VPS8: variants seen among roughly 807,000 people sequenced by gnomAD.
VPS8 encodes VPS8 subunit of CORVET complex.
A neutral mutation model predicts 216.4 loss-of-function variants in VPS8; 129 were observed. That is an observed-to-expected ratio of 0.60 (90% CI 0.52 to 0.69). VPS8 has a LOEUF of 0.69. Among genes scored for constraint, VPS8 ranks in the 30% least tolerant of loss-of-function variants. VPS8 has a pLI of 0.00. For synonymous variants in VPS8, 571 were observed against 565.4 expected (o/e 1.01, Z -0.14); for missense variants, 1,531 against 1,683.5 (o/e 0.91, Z 1.59).
At chr3:184,982,797 T>A in intron 41 of VPS8, 150 bp downstream of exon 41, 1 of 748,846 alleles carries the variant, frequency 1.3e-6, no homozygotes, top group South Asian at 2.3e-5. Context: ...GATCTCATCT[T>A]TCATGTTTCT....
At chr3:185,011,088 TA>T (rs1754953079) in intron 45 of VPS8, among the ~76,000 whole-genome samples, 2 of 127,718 alleles carry the variant, frequency 1.6e-5, no homozygotes, top group African/African-American at 2.9e-5. Context: ...ATTGGAATCC[TA>T]AAAAAAAGTA....
At chr3:184,966,770 G>T (rs1747476262) in intron 39 of VPS8, 57 bp downstream of exon 39, 17 of 1,308,918 alleles carry the variant, frequency 1.3e-5, no homozygotes, top group Non-Finnish European at 1.8e-5. Context: ...TGTTTTAAAA[G>T]ATGTTTAATA....
rs1324151343 is a variant in VPS8, at chr3:184,962,761, G to GTGTGTGTGTGTT, written c.3184-1702_3184-1701insGTGTGTTTGTGT. Among the ~76,000 whole-genome samples the GTGTGTGTGTGTT allele has an allele frequency of 1.1e-3, 104 of 93,132 alleles. 1 individual carries two copies. Among genetic ancestry groups the GTGTGTGTGTGTT allele is most frequent in the African/African-American group, 3.2e-3 (98 of 30,806 alleles). 61.1% of individuals were successfully genotyped at this position (93,132 alleles called of 152,430 possible). Reference sequence around the variant, plus strand: ...TGTGTGTGTGTGTGTGTGTGTGTGTGTGTGTCTTATTTCCTTTCCTATTTT... The same window carrying GTGTGTGTGTGTT: ...TGTGTGTGTGTGTGTGTGTGTGTGTGTGTGTGTGTGTTTGTGTCTTATTTCCTTTCCTATTTT... On this transcript the variant is annotated intron_variant, in intron 37 of 47. Transcript: ENST00000625842.
intron 45 of VPS8, among the ~76,000 whole-genome samples, chr3:185,004,781 A>ATAG (rs1561078560): frequency 6.6e-6 from 1 of 152,088 alleles, no homozygotes; most frequent in Non-Finnish European, 1.5e-5. Context: ...TAGATCCATA[A>ATAG]TTTGTGAATA....
At position 185,032,356 on chromosome 3, in the gene VPS8, C is replaced by G. The variant is rs1170940216; in HGVS notation, c.4056+7967C>G. Among the ~76,000 whole-genome samples the G allele has an allele frequency of 8.5e-5, 13 of 152,212 alleles. No individual in the cohort carries two copies. In the South Asian group the frequency reaches 2.7e-3, roughly 32 times the overall value. Reference sequence around the variant, plus strand: ...TATTGCAGTAAGGGGAACGCTCCAACCATAAGATCTGCAAGGGTCTCAGAG... The same window carrying G: ...TATTGCAGTAAGGGGAACGCTCCAAGCATAAGATCTGCAAGGGTCTCAGAG... On this transcript the variant is annotated intron_variant, in intron 46 of 47. Coordinates refer to ENST00000625842, the MANE Select transcript of VPS8 (RefSeq NM_001009921.3).
At chr3:184,892,397 A>G (rs1342004083) in intron 22 of VPS8, among the ~76,000 whole-genome samples, 2 of 151,996 alleles carry the variant, frequency 1.3e-5, no homozygotes, top group Admixed American at 6.6e-5. Flanking sequence ...TTGTATTTTT[A>G]GTAGAGACGG....
intron 25 of VPS8, 150 bp from the exon 26 acceptor site, chr3:184,913,369 C>A: frequency 1.6e-6 from 1 of 610,396 alleles, no homozygotes; most frequent in Non-Finnish European, 2.9e-6. Flanking sequence ...AACTCAAAAG[C>A]CAATAAAGTG....
intron 28 of VPS8, among the ~76,000 whole-genome samples, chr3:184,915,789 A>G (rs1050528347): frequency 1.2e-4 from 18 of 152,254 alleles, no homozygotes; most frequent in South Asian, 4.1e-4. Context: ...AGCGTGGGCT[A>G]CAGAGAGAGA....
intron 8 of VPS8, among the ~76,000 whole-genome samples, chr3:184,846,135 G>A (rs1015067897): frequency 1.3e-5 from 2 of 152,116 alleles, no homozygotes; most frequent in Admixed American, 1.3e-4. Flanking sequence ...GTGGGGTAGG[G>A]GTGGAATTAA....
chr3:184,873,757 G>C (rs982801699), intron 21 of VPS8, among the ~76,000 whole-genome samples: 16 of 152,128 alleles, frequency 1.1e-4, no homozygotes, highest in African/African-American at 3.9e-4. Flanking sequence ...TATGTAATGT[G>C]TAATATCATT....
At chr3:184,948,427 G>A (rs1744078479) in intron 36 of VPS8, among the ~76,000 whole-genome samples, 1 of 152,124 alleles carries the variant, frequency 6.6e-6, no homozygotes, top group Non-Finnish European at 1.5e-5. Context: ...GAGGCAGAAG[G>A]ATTGCTTGAG....
chr3:184,904,880 T>C (rs1735209586), intron 25 of VPS8, among the ~76,000 whole-genome samples: 1 of 152,250 alleles, frequency 6.6e-6, no homozygotes, highest in African/African-American at 2.4e-5. Flanking sequence ...TGCTCTGTTT[T>C]GTGCTGCTGT....
intron 36 of VPS8, among the ~76,000 whole-genome samples, chr3:184,955,576 T>TC (rs1745445927): frequency 6.6e-6 from 1 of 151,844 alleles, no homozygotes; most frequent in Non-Finnish European, 1.5e-5. Flanking sequence ...GTGGTAGTGG[T>TC]TCCCCGGGCC....
chr3:184,938,435 A>T (rs1002707966), intron 35 of VPS8, among the ~76,000 whole-genome samples: 27 of 152,310 alleles, frequency 1.8e-4, no homozygotes, highest in African/African-American at 6.5e-4. Context: ...GGAGCCCAGG[A>T]TACTGAAGTA....
chr3:184,837,116 T>C (rs1721244157), intron 5 of VPS8, among the ~76,000 whole-genome samples: 1 of 152,168 alleles, frequency 6.6e-6, no homozygotes, highest in South Asian at 2.1e-4. Context: ...TCCCAGGTGA[T>C]TCCCATGCAT....
chr3:185,005,278 G>A (rs866259727), intron 45 of VPS8, among the ~76,000 whole-genome samples: 89 of 152,194 alleles, frequency 5.8e-4, no homozygotes, highest in African/African-American at 1.7e-3. Flanking sequence ...TAACCATACC[G>A]TTGTAGTATA....
At chr3:184,868,528 C>T (rs1308851677) in intron 18 of VPS8, among the ~76,000 whole-genome samples, 1 of 152,204 alleles carries the variant, frequency 6.6e-6, no homozygotes, top group Middle Eastern at 3.2e-3. Context: ...TACCAGACAA[C>T]ACTTCCACTT....
intron 25 of VPS8, among the ~76,000 whole-genome samples, chr3:184,909,917 C>T (rs1406079068): frequency 2.0e-5 from 3 of 151,838 alleles, no homozygotes; most frequent in East Asian, 1.9e-4. Context: ...CACTGAGTAT[C>T]GTCTTCCATT....
intron 21 of VPS8, chr3:184,882,441 T>A: frequency 2.3e-6 from 1 of 443,626 alleles, no homozygotes; most frequent in Non-Finnish European, 4.5e-6. Context: ...GAGGTATAAT[T>A]CTTTTTATGT....
Sources: gnomAD v4.1 joint callset for allele counts (sites outside exome capture counted in the v4.1 genomes callset) on GRCh38, gnomAD v4.1.1 for gene constraint, MANE v1.5 for transcripts, NCBI Gene and HGNC (gene_info 2026-07-23, HGNC 2026-07-21) for gene names.